CPAMD8: variants seen among roughly 807,000 people sequenced by gnomAD.
The protein encoded by CPAMD8 is C3 and PZP-like alpha-2-macroglobulin domain-containing protein 8.
Under a neutral mutation model 224.7 loss-of-function variants are expected in CPAMD8, and 146 were observed. The observed-to-expected ratio is 0.65, with a 90% CI of 0.57 to 0.75. The LOEUF (loss-of-function observed/expected upper bound fraction) is 0.75, where lower values mean the gene tolerates loss of function less well. Among genes scored for constraint, CPAMD8 ranks in the 30% least tolerant of loss-of-function variants. CPAMD8 has a pLI of 0.00. For missense variants in CPAMD8, 2,301 were observed against 2,537.5 expected, an observed-to-expected ratio of 0.91 and a Z score of 2.00; for synonymous variants, 966 against 1,044.6, an observed-to-expected ratio of 0.92 and a Z score of 1.45.
chr19:16,896,726 A>G, intron 39 of CPAMD8, 61 bp from the exon 40 acceptor site: 2 of 1,191,064 alleles, frequency 1.7e-6, no homozygotes, highest in Non-Finnish European at 2.2e-6. Flanking sequence ...GCCCCCACAG[A>G]ACCTGGGGGT....
chr19:16,972,850 T>G (rs1030485588), intron 17 of CPAMD8, among the ~76,000 whole-genome samples: 4 of 152,208 alleles, frequency 2.6e-5, no homozygotes, highest in Non-Finnish European at 5.9e-5. Context: ...TGAAATGTTA[T>G]TTTTCAAAAC....
chr19:16,994,481 G>C (rs2056060519), intron 11 of CPAMD8, among the ~76,000 whole-genome samples: 1 of 150,276 alleles, frequency 6.7e-6, no homozygotes, highest in African/African-American at 2.5e-5. Context: ...GAGTGAACCA[G>C]GATTCAGCCC....
intron 18 of CPAMD8, among the ~76,000 whole-genome samples, chr19:16,966,630 T>G (rs1160763226): frequency 6.6e-6 from 1 of 151,714 alleles, no homozygotes; most frequent in Non-Finnish European, 1.5e-5. Flanking sequence ...TACAAAGAAC[T>G]CAAACAAATT....
chr19:16,920,578 G>A lies in CPAMD8; in HGVS notation c.3629+1327C>T, dbSNP rs144242663. Among the ~76,000 whole-genome samples the A allele has an allele frequency of 6.6e-3, 978 of 148,976 alleles. 4 individuals are homozygous for A. The highest frequency in any genetic ancestry group is 9.9e-3 in the Non-Finnish European group (667 of 67,210). ...TGTGTGCACACTGAGTGTCTAGGCC[G>A]GGCACGGTGGCTCACGCCTGTAATC... On this transcript the variant is annotated intron_variant, in intron 27 of 41. Transcript: ENST00000443236.
intron 26 of CPAMD8, among the ~76,000 whole-genome samples, chr19:16,923,860 G>A (rs2053262642): frequency 6.6e-6 from 1 of 152,174 alleles, no homozygotes; most frequent in Non-Finnish European, 1.5e-5. Flanking sequence ...GGAGGCTGAG[G>A]TGGGAGGCTC....
At chr19:16,980,745 A>G (rs966321178) in intron 13 of CPAMD8, 59 bp from the exon 14 acceptor site, 14 of 1,378,764 alleles carry the variant, frequency 1.0e-5, no homozygotes, top group Non-Finnish European at 1.4e-5. Context: ...AACCCACCAC[A>G]GGAAGACGGC....
At chr19:17,024,612 T>C (rs2057033532) in intron 1 of CPAMD8, among the ~76,000 whole-genome samples, 1 of 152,230 alleles carries the variant, frequency 6.6e-6, no homozygotes, top group Non-Finnish European at 1.5e-5. Flanking sequence ...CGGGTTCAAG[T>C]CTTCATCCAA....
chr19:17,014,855 A>C (rs991467817), intron 3 of CPAMD8, among the ~76,000 whole-genome samples: 2 of 152,240 alleles, frequency 1.3e-5, no homozygotes, highest in African/African-American at 2.4e-5. Flanking sequence ...ATTTGATGAT[A>C]GTTACCCTCT....
intron 23 of CPAMD8, among the ~76,000 whole-genome samples, chr19:16,929,943 G>T (rs911032587): frequency 1.3e-5 from 2 of 152,052 alleles, no homozygotes; most frequent in African/African-American, 4.8e-5. Flanking sequence ...TTGCTAACTG[G>T]ATTCCAAAAT....
chr19:16,949,743 G>A (rs1375621530), intron 20 of CPAMD8, among the ~76,000 whole-genome samples: 3 of 152,298 alleles, frequency 2.0e-5, no homozygotes, highest in Non-Finnish European at 4.4e-5. Flanking sequence ...TGCTTCTGTT[G>A]CTTGTACATG....
At chr19:17,021,991 A>C in intron 2 of CPAMD8, 39 bp downstream of exon 2, 1 of 1,536,840 alleles carries the variant, frequency 6.5e-7, no homozygotes, top group Non-Finnish European at 8.8e-7. Context: ...CACTTTGCAA[A>C]AGAAGGGGAA....
chr19:16,955,748 G>A (rs904694969), intron 19 of CPAMD8, among the ~76,000 whole-genome samples: 1 of 152,074 alleles, frequency 6.6e-6, no homozygotes, highest in African/African-American at 2.4e-5. Context: ...GTAATTTCGT[G>A]TCACTGCAGC....
Position 16,968,053 on chromosome 19 carries a change from A to G in CPAMD8, c.2213+2838T>C, listed in dbSNP as rs150085871. On this transcript the variant is annotated intron_variant, in intron 18 of 41. Coordinates refer to ENST00000443236, the MANE Select transcript of CPAMD8 (RefSeq NM_015692.5). Reference sequence around the variant, plus strand: ...TCCATTGTGATTTACAATTGCCTTCATGGTTTTGAGTTTTACAAAGCTGCT... The same window carrying G: ...TCCATTGTGATTTACAATTGCCTTCGTGGTTTTGAGTTTTACAAAGCTGCT... Among the ~76,000 whole-genome samples the G allele has an allele frequency of 2.4e-3, 372 of 151,856 alleles. 3 individuals carry two copies. The highest frequency in any genetic ancestry group is 8.7e-3 in the African/African-American group (359 of 41,450).
chr19:16,986,922 G>A (rs1008638530), intron 13 of CPAMD8, among the ~76,000 whole-genome samples: 3 of 151,848 alleles, frequency 2.0e-5, no homozygotes, highest in Non-Finnish European at 2.9e-5. Flanking sequence ...TTGGGAGGCC[G>A]AAGAGGGTGG....
chr19:17,009,321 C>A lies in CPAMD8; in HGVS notation c.487-1G>T, dbSNP rs779961934. On this transcript the variant is annotated splice_acceptor_variant, in intron 5 of 41. Coordinates refer to ENST00000443236, the MANE Select transcript of CPAMD8 (RefSeq NM_015692.5). LOFTEE classifies it high-confidence loss of function. The stretch of plus-strand genomic sequence containing the variant: ...CACTCACCAGGATGTAGGCTTCCAG[C>A]TGTAATGAAGACACAGATGCAGTGA... 3.1e-6 allele frequency: 5 copies of A among 1,614,092 alleles called. No individual in the cohort carries two copies. The highest frequency in any genetic ancestry group is 3.4e-6 in the Non-Finnish European group (4 of 1,179,976).
At chr19:16,975,964 G>A (rs374624834) in intron 16 of CPAMD8, 38 bp downstream of exon 16, 212 of 1,485,728 alleles carry the variant, frequency 1.4e-4, no homozygotes, top group South Asian at 4.9e-4. Context: ...GTAAAGCCCC[G>A]TGGAGGTCTA....
chr19:17,018,418 A>C (rs1030409630), intron 3 of CPAMD8, among the ~76,000 whole-genome samples: 4 of 152,140 alleles, frequency 2.6e-5, no homozygotes, highest in Non-Finnish European at 4.4e-5. Context: ...GGTTCCATGA[A>C]CAGGTACTGC....
chr19:17,008,484 G>A (rs2056553504), intron 7 of CPAMD8, 21 bp downstream of exon 7: 1 of 1,612,144 alleles, frequency 6.2e-7, no homozygotes, highest in Non-Finnish European at 8.5e-7. Context: ...CAGCCCCCAA[G>A]CCGCAGAGGA....
At chr19:16,938,720 G>A (rs755153477) in intron 22 of CPAMD8, among the ~76,000 whole-genome samples, 14 of 152,006 alleles carry the variant, frequency 9.2e-5, no homozygotes, top group Non-Finnish European at 1.8e-4. Context: ...CTTGTCATGG[G>A]GCCCACATCC....
Sources: gnomAD v4.1 joint callset for allele counts (sites outside exome capture counted in the v4.1 genomes callset) on GRCh38, gnomAD v4.1.1 for gene constraint, MANE v1.5 for transcripts, NCBI Gene and HGNC (gene_info 2026-07-23, HGNC 2026-07-21) for gene names.